The following WASF1 variants were observed in gnomAD, a reference collection of about 807,000 sequenced individuals.
WASF1 encodes WASP family member 1, also known as actin-binding protein WASF1.
Under a neutral mutation model 50.5 loss-of-function variants are expected in WASF1, and 7 were observed. The observed-to-expected ratio is 0.14, with a 90% confidence interval of 0.08 to 0.26. WASF1 has a LOEUF of 0.26. Among genes scored for constraint, WASF1 ranks in the 10% least tolerant of loss-of-function variants. WASF1 has a pLI of 1.00. For synonymous variants in WASF1, 205 were observed against 244.0 expected, an observed-to-expected ratio of 0.84 and a Z score of 1.49; for missense variants, 470 against 694.7, an observed-to-expected ratio of 0.68 and a Z score of 3.64.
intron 3 of WASF1, among the ~76,000 whole-genome samples, chr6:110,148,539 GAAT>G (rs1296126729): frequency 1.3e-5 from 2 of 152,202 alleles, no homozygotes; most frequent in African/African-American, 4.8e-5. Flanking sequence ...GGTGGACAGG[GAAT>G]AATAATGAGA....
At chr6:110,148,046 C>A (rs867223816) in intron 3 of WASF1, among the ~76,000 whole-genome samples, 1 of 152,178 alleles carries the variant, frequency 6.6e-6, no homozygotes, top group Non-Finnish European at 1.5e-5. Flanking sequence ...TGCACCCAAC[C>A]ACCAAGTTTA....
intron 9 of WASF1, 118 bp downstream of exon 9, chr6:110,103,260 T>C: frequency 1.9e-6 from 2 of 1,044,282 alleles, no homozygotes; most frequent in African/African-American, 1.6e-5. Context: ...ATGGCAGAAT[T>C]GAGTACTTGT....
chr6:110,133,930 T>C (rs1774819777), intron 3 of WASF1, among the ~76,000 whole-genome samples: 1 of 152,212 alleles, frequency 6.6e-6, no homozygotes, highest in South Asian at 2.1e-4. Flanking sequence ...CAGGAACTGT[T>C]TGCCTAAGCC....
intron 2 of WASF1, among the ~76,000 whole-genome samples, chr6:110,165,723 C>T (rs1274420889): frequency 9.9e-5 from 15 of 151,562 alleles, no homozygotes; most frequent in Non-Finnish European, 1.3e-4. Context: ...ATCTTCTGTA[C>T]CAGTGAAAGT....
chr6:110,102,550 AC>A (rs1773141562), intron 9 of WASF1, among the ~76,000 whole-genome samples: 1 of 152,186 alleles, frequency 6.6e-6, no homozygotes, highest in Non-Finnish European at 1.5e-5. Context: ...TAATGACTCA[AC>A]ATTGATCATA....
chr6:110,102,997 A>C (rs1312724501), intron 9 of WASF1, among the ~76,000 whole-genome samples: 1 of 152,188 alleles, frequency 6.6e-6, no homozygotes, highest in East Asian at 1.9e-4. Context: ...ATTCCAAAAA[A>C]TCCTTAATTT....
intron 4 of WASF1, among the ~76,000 whole-genome samples, chr6:110,117,014 C>T (rs544275129): frequency 1.3e-5 from 2 of 151,748 alleles, no homozygotes; most frequent in Non-Finnish European, 2.9e-5. Context: ...TCACCAACAT[C>T]GAAGACCAAA....
chr6:110,152,073 TAA>T (rs1052845909), intron 3 of WASF1, among the ~76,000 whole-genome samples: 6 of 152,208 alleles, frequency 3.9e-5, no homozygotes, highest in Non-Finnish European at 5.9e-5. Context: ...TATTACATGT[TAA>T]GAGAGGTTTT....
intron 3 of WASF1, among the ~76,000 whole-genome samples, chr6:110,149,131 T>C (rs1226166020): frequency 2.6e-5 from 4 of 152,168 alleles, no homozygotes; most frequent in South Asian, 4.1e-4. Context: ...ACAGGGGTAG[T>C]GGGAGAATGA....
At chr6:110,141,206 C>T (rs1402075710) in intron 3 of WASF1, among the ~76,000 whole-genome samples, 1 of 152,106 alleles carries the variant, frequency 6.6e-6, no homozygotes, top group Non-Finnish European at 1.5e-5. Flanking sequence ...TCCTTGTTGT[C>T]AGGGTAAAGT....
intron 3 of WASF1, 91 bp downstream of exon 3, chr6:110,160,544 A>C (rs1267473844): frequency 6.6e-6 from 1 of 151,772 alleles, no homozygotes; most frequent in Non-Finnish European, 1.5e-5. Context: ...TTTTATTAGT[A>C]TATAACTTTT....
In WASF1 at chr6:110,105,697, A is replaced by C. The variant is rs1243417496; in HGVS notation, c.541-118T>G. 4 of 954,026 alleles carry C rather than the reference A, an allele frequency of 4.2e-6. No homozygotes were observed. In the African/African-American group the frequency reaches 6.6e-5, roughly 16 times the overall value. The allele number at this position is 954,026 out of a possible 1,614,324, so 59.1% of individuals were successfully genotyped here. A position where few individuals can be genotyped will look rare whatever the true frequency, so the allele number is the denominator to read the frequency against. On this transcript the variant is annotated intron_variant, in intron 7 of 10. Transcript: ENST00000392589. ...CTGAAAAAGACAATGTCATCATAAT[A>C]TAGTAAAAGTAACACAGAAATGGTT... is the stretch of plus-strand genomic sequence containing the variant.
rs574048710 is a variant in WASF1, at chr6:110,129,586, A to C, written c.-28-1957T>G. Among the ~76,000 whole-genome samples, 15 of 152,352 alleles carry C rather than the reference A, an allele frequency of 9.8e-5. No individual in the cohort carries two copies. The South Asian group carries it at 3.1e-3, about 32-fold the overall frequency. On this transcript the variant is annotated intron_variant, in intron 3 of 10. Coordinates refer to ENST00000392589, the MANE Select transcript of WASF1 (RefSeq NM_003931.3). ...AGCTACTTCATGACAGTGGAAGCAC[A>C]AAAGATAAAACGTTGGAAGCTAATC... is the stretch of plus-strand genomic sequence containing the variant.
At position 110,107,215 on chromosome 6, in the gene WASF1, T is replaced by A. The variant is rs760934341; in HGVS notation, c.423-21A>T. 3 of 1,460,952 alleles carry A rather than the reference T, an allele frequency of 2.1e-6. No homozygotes were observed. In the African/African-American group the frequency reaches 4.3e-5, roughly 21 times the overall value. The allele number at this position is 1,460,952 out of a possible 1,614,324, so 90.5% of individuals were successfully genotyped here. ...CATCTCTGAAATATAAAATATCAAT[T>A]AAAACACACATTAGTAAGACTTAGG... On this transcript the variant is annotated intron_variant, in intron 6 of 10. Transcript: ENST00000392589.
chr6:110,113,236 A>G (rs1163990380), intron 5 of WASF1, 90 bp downstream of exon 5: 1 of 1,171,058 alleles, frequency 8.5e-7, no homozygotes, highest in Non-Finnish European at 1.1e-6. Flanking sequence ...GATCTGTAAT[A>G]AATTCATGAT....
At chr6:110,164,836 A>ATAAATAAT in intron 2 of WASF1, among the ~76,000 whole-genome samples, 1 of 151,744 alleles carries the variant, frequency 6.6e-6, no homozygotes, top group South Asian at 2.1e-4. Flanking sequence ...AGTGTGGTAC[A>ATAAATAAT]CCCAAATAAT....
intron 3 of WASF1, 48 bp from the exon 4 acceptor site, chr6:110,127,677 C>T: frequency 7.2e-7 from 1 of 1,394,992 alleles, no homozygotes; most frequent in Non-Finnish European, 9.4e-7. Context: ...TCAGCCAACA[C>T]AGAATGAGAC....
intron 4 of WASF1, among the ~76,000 whole-genome samples, chr6:110,113,855 T>C (rs908991455): frequency 1.4e-5 from 2 of 146,192 alleles, no homozygotes; most frequent in African/African-American, 5.4e-5. Flanking sequence ...TATCATTTAC[T>C]ACCACAAAAT....
At chr6:110,126,173 C>T (rs1449823052) in intron 4 of WASF1, among the ~76,000 whole-genome samples, 1 of 152,046 alleles carries the variant, frequency 6.6e-6, no homozygotes. Context: ...TCATGTTATA[C>T]TTGATTCAAT....
Sources: allele counts gnomAD v4.1 joint callset (sites outside exome capture counted in the v4.1 genomes callset), GRCh38; gene constraint gnomAD v4.1.1; transcripts MANE v1.5; gene names NCBI Gene and HGNC (gene_info 2026-07-23, HGNC 2026-07-21).